PLEKHB2: variants seen among roughly 807,000 people sequenced by gnomAD.
PLEKHB2 encodes pleckstrin homology domain containing B2.
PLEKHB2 carries 31 observed loss-of-function variants against 36.5 expected under a neutral mutation model. The observed-to-expected ratio is 0.85, with a 90% CI of 0.64 to 1.15. The LOEUF (loss-of-function observed/expected upper bound fraction) is 1.15, where lower values mean the gene tolerates loss of function less well. Ranked by LOEUF, PLEKHB2 falls within the 50% of genes most tolerant of loss-of-function variation. PLEKHB2 has a pLI of 0.00. For missense variants in PLEKHB2, 262 were observed against 295.3 expected (o/e 0.89, Z 0.83); for synonymous variants, 119 against 112.0 (o/e 1.06, Z -0.39).
At chr2:131,133,242 A>G (rs142324860) in intron 6 of PLEKHB2, among the ~76,000 whole-genome samples, 2 of 152,146 alleles carry the variant, frequency 1.3e-5, no homozygotes, top group African/African-American at 4.8e-5. Context: ...TGTTAATGAT[A>G]GTTGCCTTGG....
chr2:131,118,231 C>T (rs1696086553), intron 1 of PLEKHB2, among the ~76,000 whole-genome samples: 1 of 152,048 alleles, frequency 6.6e-6, no homozygotes, highest in East Asian at 1.9e-4. Flanking sequence ...GGGAGACTGG[C>T]TTTTGTTTGC....
intron 6 of PLEKHB2, among the ~76,000 whole-genome samples, chr2:131,138,405 T>C (rs1321153250): frequency 1.3e-5 from 2 of 152,220 alleles, no homozygotes; most frequent in African/African-American, 4.8e-5. Flanking sequence ...TTGTCTTTTC[T>C]CATTTAGTTG....
At chr2:131,145,201 A>C (rs1183809120) in intron 7 of PLEKHB2, among the ~76,000 whole-genome samples, 1 of 152,222 alleles carries the variant, frequency 6.6e-6, no homozygotes, top group Non-Finnish European at 1.5e-5. Flanking sequence ...TAGGGATAAA[A>C]GTGCACTCAG....
chr2:131,105,745 C>A (rs903779667), intron 1 of PLEKHB2, among the ~76,000 whole-genome samples: 59 of 152,320 alleles, frequency 3.9e-4, no homozygotes, highest in Admixed American at 3.7e-3. Context: ...CTCTCCGGCC[C>A]CGCGGACCCT....
intron 5 of PLEKHB2, among the ~76,000 whole-genome samples, chr2:131,132,356 G>C (rs1044640319): frequency 6.6e-6 from 1 of 152,120 alleles, no homozygotes; most frequent in Admixed American, 6.6e-5. Context: ...GCCTGGGCTG[G>C]AGTGCAGTGA....
intron 1 of PLEKHB2, among the ~76,000 whole-genome samples, chr2:131,116,311 A>C (rs1695867167): frequency 6.6e-6 from 1 of 152,184 alleles, no homozygotes; most frequent in Non-Finnish European, 1.5e-5. Flanking sequence ...ACTGCCTGAA[A>C]AGTAAGAGAA....
intron 1 of PLEKHB2, 157 bp from the exon 2 acceptor site, chr2:131,120,777 T>G: frequency 1.4e-6 from 1 of 729,080 alleles, no homozygotes; most frequent in East Asian, 2.7e-5. Context: ...TGAACCCCAA[T>G]GAGGAGGTGT....
intron 6 of PLEKHB2, among the ~76,000 whole-genome samples, chr2:131,136,948 C>CT (rs749691633): frequency 0.022 from 3,009 of 134,026 alleles, 57 homozygotes; most frequent in Non-Finnish European, 0.035. Context: ...TCTTTTCTTT[C>CT]TTTTTTTTTT....
intron 2 of PLEKHB2, 32 bp downstream of exon 2, chr2:131,121,010 A>G: frequency 1.2e-6 from 2 of 1,607,898 alleles, no homozygotes; most frequent in East Asian, 2.2e-5. Flanking sequence ...TGCGATCGGC[A>G]TTGCCGAAGG....
At chr2:131,121,055 T>G in intron 2 of PLEKHB2, 77 bp downstream of exon 2, 2 of 1,416,920 alleles carry the variant, frequency 1.4e-6, no homozygotes, top group East Asian at 2.3e-5. Context: ...AAGTTGATCA[T>G]ATTTAAAAGC....
intron 7 of PLEKHB2, among the ~76,000 whole-genome samples, chr2:131,142,250 T>A (rs1246062400): frequency 6.6e-6 from 1 of 152,236 alleles, no homozygotes; most frequent in African/African-American, 2.4e-5. Context: ...ATCAATGTTA[T>A]AATGAAACTA....
rs978523170 is a variant in PLEKHB2, at chr2:131,125,809, C to G, written c.94C>G (p.Leu32Val). 2 of 1,613,332 alleles carry G rather than the reference C, an allele frequency of 1.2e-6. No individual in the cohort carries two copies. The highest frequency in any genetic ancestry group is 1.7e-5 in the Admixed American group (1 of 59,964). The change falls in exon 3 of 8, where the codon CTG becomes GTG. Residue 32 changes from leucine to valine, a missense_variant. By Grantham distance (32) the Leu-to-Val change is conservative. Transcript: ENST00000693505. The part of the protein sequence containing the change: ...NWFDLWSDGH[L>V]IYYDDQTRQN... Reference sequence around the variant, plus strand: ...GTTTGATCTGTGGTCGGATGGTCACCTGATCTATTATGATGACCAGACTCG... The same window carrying G: ...GTTTGATCTGTGGTCGGATGGTCACGTGATCTATTATGATGACCAGACTCG...
chr2:131,133,736 A>G (rs921646520), intron 6 of PLEKHB2, among the ~76,000 whole-genome samples: 11 of 152,144 alleles, frequency 7.2e-5, no homozygotes, highest in Non-Finnish European at 1.0e-4. Context: ...AACCCTGTCA[A>G]TCACTGAACT....
At chr2:131,133,109 C>T (rs1386402145) in intron 6 of PLEKHB2, 118 bp downstream of exon 6, 2 of 661,154 alleles carry the variant, frequency 3.0e-6, no homozygotes, top group Non-Finnish European at 2.7e-6. Flanking sequence ...CTTCTTAAAA[C>T]AGATGATTTC....
chr2:131,109,290 G>A (rs1240880421), intron 1 of PLEKHB2, among the ~76,000 whole-genome samples: 2 of 152,190 alleles, frequency 1.3e-5, no homozygotes, highest in East Asian at 3.8e-4. Context: ...GGTTCAAATA[G>A]GTAGATTAAT....
At chr2:131,127,370 G>A (rs575970393) in intron 4 of PLEKHB2, among the ~76,000 whole-genome samples, 2 of 152,220 alleles carry the variant, frequency 1.3e-5, no homozygotes, top group South Asian at 4.2e-4. Flanking sequence ...GGCCTTCTTC[G>A]GCTGTGTCTG....
chr2:131,127,432 A>G (rs1412666831), intron 4 of PLEKHB2, among the ~76,000 whole-genome samples: 1 of 152,092 alleles, frequency 6.6e-6, no homozygotes, highest in Non-Finnish European at 1.5e-5. Context: ...TGGATTAAGG[A>G]CCCACCTTAA....
intron 2 of PLEKHB2, among the ~76,000 whole-genome samples, chr2:131,124,603 C>T (rs1366074135): frequency 6.6e-6 from 1 of 152,080 alleles, no homozygotes; most frequent in Non-Finnish European, 1.5e-5. Context: ...GACAGAAGTA[C>T]GTGAGGTAGT....
intron 1 of PLEKHB2, among the ~76,000 whole-genome samples, chr2:131,119,388 G>C (rs1696231922): frequency 6.6e-6 from 1 of 152,202 alleles, no homozygotes; most frequent in Non-Finnish European, 1.5e-5. Context: ...ATCTTTCAAA[G>C]GTTTTAGGAT....
Sources: gnomAD v4.1 joint callset for allele counts (sites outside exome capture counted in the v4.1 genomes callset) on GRCh38, gnomAD v4.1.1 for gene constraint, MANE v1.5 for transcripts, NCBI Gene and HGNC (gene_info 2026-07-23, HGNC 2026-07-21) for gene names.